The following SLC41A1 variants were observed in gnomAD, a reference collection of about 807,000 sequenced individuals.
SLC41A1 encodes solute carrier family 41 (magnesium transporter), member 1.
Under a neutral mutation model 47.3 loss-of-function variants are expected in SLC41A1, and 20 were observed. The observed-to-expected ratio is 0.42, with a 90% CI of 0.30 to 0.61. The LOEUF (loss-of-function observed/expected upper bound fraction) is 0.61, where lower values mean the gene tolerates loss of function less well. Ranked by LOEUF, SLC41A1 falls within the 20% of genes least tolerant of loss-of-function variation. The pLI, the probability that SLC41A1 is intolerant of heterozygous loss-of-function variation, is 0.17. For synonymous variants in SLC41A1, 282 were observed against 272.7 expected (o/e 1.03, Z -0.34); for missense variants, 504 against 674.1 (o/e 0.75, Z 2.79).
At chr1:205,806,449 C>T (rs1656016177) in intron 2 of SLC41A1, among the ~76,000 whole-genome samples, 1 of 152,256 alleles carries the variant, frequency 6.6e-6, no homozygotes, top group Admixed American at 6.5e-5. Context: ...AAGGACCTGT[C>T]TTAACCTAGC....
intron 2 of SLC41A1, among the ~76,000 whole-genome samples, chr1:205,808,337 G>C (rs900151580): frequency 6.6e-6 from 1 of 152,212 alleles, no homozygotes; most frequent in African/African-American, 2.4e-5. Context: ...TCTAGGGTCA[G>C]ATGACCAGGG....
intron 2 of SLC41A1, among the ~76,000 whole-genome samples, chr1:205,803,091 C>G (rs561904509): frequency 6.6e-6 from 1 of 152,258 alleles, no homozygotes; most frequent in African/African-American, 2.4e-5. Context: ...ATTGCTTGAA[C>G]TTGGGAGTTG....
At chr1:205,798,169 A>G (rs1271207326) in intron 6 of SLC41A1, 118 bp from the exon 7 acceptor site, 4 of 1,432,336 alleles carry the variant, frequency 2.8e-6, no homozygotes, top group African/African-American at 1.4e-5. Flanking sequence ...AAATGCCAGT[A>G]AACACATTAT....
chr1:205,791,632 G>A lies in SLC41A1; in HGVS notation c.1443C>T (p.Tyr481=). The change falls in exon 11 of 11, where the codon TAC becomes TAT. Residue 481 remains tyrosine (Y), a synonymous_variant. Coordinates refer to ENST00000367137, the MANE Select transcript of SLC41A1 (RefSeq NM_173854.6). This position sits in a 1 kb window ranked among gnomAD's most constrained non-coding sequence, Gnocchi z 4.0. ...CAAGCAGGTCCCCCAGAGCAGTCAA[G>A]TATGGGATGGAGAAGTTGTCCGGGT... ...GLDPDNFSIP[Y]LTALGDLLGT... The A allele has an allele frequency of 1.2e-6, 2 of 1,614,190 alleles. No individual in the cohort carries two copies. The highest frequency in any genetic ancestry group is 8.5e-7 in the Non-Finnish European group (1 of 1,180,040).
chr1:205,794,820 T>G, intron 10 of SLC41A1, 50 bp downstream of exon 10: 2 of 1,610,830 alleles, frequency 1.2e-6, no homozygotes, highest in Admixed American at 3.3e-5. Flanking sequence ...CTCCCATCCC[T>G]GCAGGGCATC....
chr1:205,799,974 C>G, intron 3 of SLC41A1, 144 bp from the exon 4 acceptor site: 1 of 736,426 alleles, frequency 1.4e-6, no homozygotes, highest in Non-Finnish European at 2.4e-6. Flanking sequence ...AAAGGTGAAG[C>G]AGGATCAGGG....
chr1:205,807,650 CTTTTTT>C (rs71152452), intron 2 of SLC41A1, among the ~76,000 whole-genome samples: 1 of 98,512 alleles, frequency 1.0e-5, no homozygotes, highest in East Asian at 3.9e-4. Flanking sequence ...CTCGTAGAGT[CTTTTTT>C]TTTTTTTTTT....
intron 1 of SLC41A1, among the ~76,000 whole-genome samples, chr1:205,811,396 C>T (rs542733071): frequency 4.2e-4 from 64 of 152,324 alleles, no homozygotes; most frequent in African/African-American, 1.5e-3. Context: ...TGCACTGTTT[C>T]CTCAGCAACT....
At chr1:205,797,846 A>T in intron 7 of SLC41A1, 58 bp downstream of exon 7, 1 of 1,611,210 alleles carries the variant, frequency 6.2e-7, no homozygotes, top group Non-Finnish European at 8.5e-7. Context: ...GGGTTTAAAA[A>T]GAAGTCTGTG....
chr1:205,798,162 T>G, intron 6 of SLC41A1, 111 bp from the exon 7 acceptor site: 1 of 1,477,604 alleles, frequency 6.8e-7, no homozygotes, highest in Non-Finnish European at 9.3e-7. Context: ...CTACACTAAA[T>G]GCCAGTAAAC....
intron 2 of SLC41A1, among the ~76,000 whole-genome samples, chr1:205,809,753 C>T (rs901824837): frequency 2.0e-5 from 3 of 152,016 alleles, no homozygotes; most frequent in Non-Finnish European, 4.4e-5. Flanking sequence ...GAGCTGGGCT[C>T]GGCAGGACTG....
intron 2 of SLC41A1, among the ~76,000 whole-genome samples, chr1:205,804,922 G>A (rs1655979767): frequency 6.6e-6 from 1 of 152,192 alleles, no homozygotes; most frequent in Admixed American, 6.5e-5. Flanking sequence ...TGTTTGTAAT[G>A]AATATTGCTT....
chr1:205,794,754 G>T lies in SLC41A1; in HGVS notation c.1356+116C>A, dbSNP rs572444291. The T allele has an allele frequency of 7.9e-5, 109 of 1,371,686 alleles. No individual in the cohort carries two copies. In the African/African-American group the frequency reaches 1.5e-3, roughly 18 times the overall value. 85.0% of individuals were successfully genotyped at this position (1,371,686 alleles called of 1,614,324 possible). A position where few individuals can be genotyped will look rare whatever the true frequency, so the allele number is the denominator to read the frequency against. On this transcript the variant is annotated intron_variant, in intron 10 of 10. Transcript: ENST00000367137. The stretch of plus-strand genomic sequence containing the variant: ...CACCCTTGTCTGGTGTTTATCAGCT[G>T]CCCTGACACAGAGAAAGAGGAGGTT...
At chr1:205,797,441 A>C (rs1655775028) in intron 7 of SLC41A1, among the ~76,000 whole-genome samples, 1 of 152,236 alleles carries the variant, frequency 6.6e-6, no homozygotes, top group African/African-American at 2.4e-5. Context: ...CTCCAGGTCC[A>C]TCCAATCAGA....
chr1:205,806,295 G>A (rs1348754968), intron 2 of SLC41A1, among the ~76,000 whole-genome samples: 1 of 152,196 alleles, frequency 6.6e-6, no homozygotes, highest in Non-Finnish European at 1.5e-5. Flanking sequence ...CACAGGAGCA[G>A]GCCAGGCACA....
In SLC41A1 at chr1:205,789,332, C is replaced by G. The variant is rs540194342; in HGVS notation, c.*2201G>C. On this transcript the variant is annotated 3_prime_UTR_variant, in exon 11 of 11. Coordinates refer to ENST00000367137, the MANE Select transcript of SLC41A1 (RefSeq NM_173854.6). ...TCACCTTCATTTTCTTTCCCTCTCA[C>G]CCTACAGTCCTCCTCTGCTCACTCA... 2.0e-5 allele frequency: 3 copies of G among 152,200 alleles called. No homozygotes were observed. Among genetic ancestry groups the G allele is most frequent in the Non-Finnish European group, 4.4e-5 (3 of 68,046 alleles). The allele number at this position is 152,200 out of a possible 1,614,324, so 9.4% of individuals were successfully genotyped here. A position where few individuals can be genotyped will look rare whatever the true frequency, so the allele number is the denominator to read the frequency against.
At chr1:205,797,514 A>G (rs1186431117) in intron 7 of SLC41A1, among the ~76,000 whole-genome samples, 2 of 152,232 alleles carry the variant, frequency 1.3e-5, no homozygotes, top group Admixed American at 6.5e-5. Context: ...GATGAGAAGC[A>G]GTGGAACTCT....
intron 1 of SLC41A1, among the ~76,000 whole-genome samples, chr1:205,812,056 C>T (rs1656169029): frequency 6.6e-6 from 1 of 152,220 alleles, no homozygotes; most frequent in South Asian, 2.1e-4. Flanking sequence ...TATGCACTTG[C>T]TCCAAATGCA....
intron 3 of SLC41A1, 144 bp downstream of exon 3, chr1:205,800,809 G>A (rs1461917905): frequency 1.3e-6 from 1 of 752,074 alleles, no homozygotes; most frequent in Non-Finnish European, 2.3e-6. Context: ...CCCTACACCT[G>A]CCCAGCCAGG....
Sources: allele counts gnomAD v4.1 joint callset (sites outside exome capture counted in the v4.1 genomes callset), GRCh38; gene constraint gnomAD v4.1.1; non-coding constraint Gnocchi (gnomAD v3.1); transcripts MANE v1.5; gene names NCBI Gene and HGNC (gene_info 2026-07-23, HGNC 2026-07-21).